The following FAM81A variants were observed in gnomAD, a reference collection of about 807,000 sequenced individuals.
FAM81A encodes the protein protein FAM81A.
In FAM81A, 19 loss-of-function variants were observed where a neutral mutation model predicts 46.7. That is an observed-to-expected ratio of 0.41 (90% confidence interval 0.28 to 0.60). FAM81A has a LOEUF of 0.60. Ranked by LOEUF, FAM81A falls within the 20% of genes least tolerant of loss-of-function variation. The probability of loss-of-function intolerance (pLI) is 0.34; values close to 1 mark genes in which losing one functional copy is unlikely to be tolerated. For synonymous variants in FAM81A, 183 were observed against 152.9 expected (o/e 1.20, Z -1.45); for missense variants, 377 against 453.5 (o/e 0.83, Z 1.53).
rs2082344812 is a variant in FAM81A, at chr15:59,523,265, C to T, written c.*1887C>T. 6.6e-6 allele frequency: 1 copy of T among 152,280 alleles called. No individual in the cohort carries two copies. The highest frequency in any genetic ancestry group is 6.5e-5 in the Admixed American group (1 of 15,286). The allele number at this position is 152,280 out of a possible 1,614,324, so 9.4% of individuals were successfully genotyped here. A position where few individuals can be genotyped will look rare whatever the true frequency, so the allele number is the denominator to read the frequency against. On this transcript the variant is annotated 3_prime_UTR_variant, in exon 9 of 9. Coordinates refer to ENST00000288228, the MANE Select transcript of FAM81A (RefSeq NM_152450.3). ...ATTGCCAGCCCCTTGAGATGAGCCACCGCAGGTGTGCTCACCTTGGCTACA... is the reference window on the plus strand; with the variant it reads ...ATTGCCAGCCCCTTGAGATGAGCCATCGCAGGTGTGCTCACCTTGGCTACA...
At chr15:59,466,322 A>G (rs1397410010) in intron 3 of FAM81A, among the ~76,000 whole-genome samples, 1 of 152,220 alleles carries the variant, frequency 6.6e-6, no homozygotes, top group East Asian at 1.9e-4. Flanking sequence ...ACTCCCACCA[A>G]CAGTGTAAAA....
chr15:59,458,750 G>C, intron 2 of FAM81A, 104 bp downstream of exon 2: 5 of 1,132,584 alleles, frequency 4.4e-6, no homozygotes, highest in Non-Finnish European at 6.7e-6. Context: ...TTTTGTTCAA[G>C]GGCAAGAGAA....
intron 2 of FAM81A, among the ~76,000 whole-genome samples, chr15:59,408,341 A>G (rs1028087710): frequency 6.6e-6 from 1 of 152,180 alleles, no homozygotes; most frequent in African/African-American, 2.4e-5. Flanking sequence ...AATATTTGAA[A>G]TAGTTTATTT....
chr15:59,504,226 A>G (rs1401218373), intron 4 of FAM81A, among the ~76,000 whole-genome samples: 2 of 152,232 alleles, frequency 1.3e-5, no homozygotes, highest in Non-Finnish European at 2.9e-5. Context: ...AAAATAAAAA[A>G]TCAGGGTCTA....
chr15:59,401,464 C>T, intron 1 of FAM81A: 1 of 779,504 alleles, frequency 1.3e-6, no homozygotes, highest in South Asian at 1.4e-5. Context: ...CATGGGCTTT[C>T]TTGAAACGCA....
intron 2 of FAM81A, among the ~76,000 whole-genome samples, chr15:59,404,773 G>T (rs193069460): frequency 5.9e-5 from 9 of 152,318 alleles, no homozygotes; most frequent in Non-Finnish European, 1.3e-4. Context: ...CTTCACAACA[G>T]CTGGAATAAC....
intron 4 of FAM81A, among the ~76,000 whole-genome samples, chr15:59,505,560 C>G (rs532019303): frequency 1.3e-5 from 2 of 151,830 alleles, no homozygotes; most frequent in South Asian, 4.2e-4. Flanking sequence ...ATCTTAGCCA[C>G]CTATAGCATG....
intron 2 of FAM81A, among the ~76,000 whole-genome samples, chr15:59,428,554 C>T (rs1422860771): frequency 6.7e-6 from 1 of 150,184 alleles, no homozygotes; most frequent in African/African-American, 2.4e-5. Flanking sequence ...GGATTATAGG[C>T]ACCTGCCATG....
chr15:59,516,471 G>A (rs553351570), intron 7 of FAM81A, among the ~76,000 whole-genome samples, 174 bp from the exon 8 acceptor site: 101 of 152,258 alleles, frequency 6.6e-4, no homozygotes, highest in African/African-American at 2.3e-3. Context: ...GTACCCAGCC[G>A]AAAATCATGG....
Position 59,459,815 on chromosome 15 carries a change from C to A in FAM81A, c.21-118C>A, listed in dbSNP as rs1444907182. The stretch of plus-strand genomic sequence containing the variant: ...TTTTAGGCAGAAATCCTGCCTCAAA[C>A]CCTATTTAGCTTGTAGTTATAGATA... On this transcript the variant is annotated intron_variant, in intron 2 of 8. Coordinates refer to ENST00000288228, the MANE Select transcript of FAM81A (RefSeq NM_152450.3). 5.8e-6 allele frequency: 8 copies of A among 1,370,758 alleles called. No individual in the cohort carries two copies. In the East Asian group the frequency reaches 2.0e-4, roughly 35 times the overall value. 84.9% of individuals were successfully genotyped at this position (1,370,758 alleles called of 1,614,324 possible). A position where few individuals can be genotyped will look rare whatever the true frequency, so the allele number is the denominator to read the frequency against.
intron 2 of FAM81A, among the ~76,000 whole-genome samples, chr15:59,420,612 A>T (rs11856944): frequency 0.64 from 96,629 of 151,976 alleles, 32,877 homozygotes; most frequent in Non-Finnish European, 0.74. Flanking sequence ...GTGCTTTATA[A>T]GATTTATTGT....
At chr15:59,413,700 A>T (rs2141542175) in intron 2 of FAM81A, among the ~76,000 whole-genome samples, 1 of 152,188 alleles carries the variant, frequency 6.6e-6, no homozygotes, top group East Asian at 1.9e-4. Flanking sequence ...GCGGGAGGAT[A>T]GCTTGAGGCC....
Position 59,507,269 on chromosome 15 carries a change from T to C in FAM81A, c.470T>C (p.Leu157Pro). 6.2e-7 allele frequency: 1 copy of C among 1,612,044 alleles called. No individual in the cohort carries two copies. Among genetic ancestry groups the C allele is most frequent in the Non-Finnish European group, 8.5e-7 (1 of 1,179,124 alleles). Residue 157 changes from leucine (L) to proline (P), a missense_variant, in exon 5 of 9, where the codon CTC becomes CCC. Coordinates refer to ENST00000288228, the MANE Select transcript of FAM81A (RefSeq NM_152450.3). ...SAEHKTTYEG[L>P]QHLNKEQQAA... The stretch of plus-strand genomic sequence containing the variant: ...GAGCACAAAACGACCTATGAGGGGC[T>C]CCAGCACTTGAACAAAGAACAGCAG...
chr15:59,520,500 T>C (rs1361281207), intron 8 of FAM81A, among the ~76,000 whole-genome samples: 1 of 152,190 alleles, frequency 6.6e-6, no homozygotes, highest in Non-Finnish European at 1.5e-5. Flanking sequence ...ATGTTGACCT[T>C]TTTAAAGAAT....
intron 3 of FAM81A, among the ~76,000 whole-genome samples, chr15:59,476,390 C>A (rs1209451944): frequency 1.3e-5 from 2 of 152,066 alleles, no homozygotes; most frequent in Non-Finnish European, 2.9e-5. Flanking sequence ...GCTTGGTGAA[C>A]ATATGAATTT....
chr15:59,455,253 C>A (rs1218632869), intron 1 of FAM81A, among the ~76,000 whole-genome samples: 2 of 151,970 alleles, frequency 1.3e-5, no homozygotes, highest in African/African-American at 4.8e-5. Context: ...ACCTACCTGT[C>A]CCTTCCCCCA....
chr15:59,457,591 C>T (rs2081500261), intron 1 of FAM81A, among the ~76,000 whole-genome samples: 1 of 152,202 alleles, frequency 6.6e-6, no homozygotes, highest in African/African-American at 2.4e-5. Context: ...AGAAATGCTT[C>T]TCTTTGACAC....
chr15:59,456,729 A>G (rs1293278198), intron 1 of FAM81A, among the ~76,000 whole-genome samples: 2 of 152,026 alleles, frequency 1.3e-5, no homozygotes, highest in Non-Finnish European at 2.9e-5. Context: ...GTGTGCATCA[A>G]TACGCCTGGC....
chr15:59,489,791 A>G (rs1399689204), intron 3 of FAM81A, among the ~76,000 whole-genome samples: 1 of 152,238 alleles, frequency 6.6e-6, no homozygotes, highest in Non-Finnish European at 1.5e-5. Flanking sequence ...AGGAGCCATG[A>G]TCATGCAATG....
Sources: allele counts gnomAD v4.1 joint callset (sites outside exome capture counted in the v4.1 genomes callset), GRCh38; gene constraint gnomAD v4.1.1; transcripts MANE v1.5; gene names NCBI Gene and HGNC (gene_info 2026-07-23, HGNC 2026-07-21).